Variants in SLC2A13 observed in about 807,000 individuals in gnomAD.
SLC2A13 encodes solute carrier family 2 member 13.
Under a neutral mutation model 64.4 loss-of-function variants are expected in SLC2A13, and 32 were observed. The observed-to-expected ratio is 0.50, with a 90% CI of 0.37 to 0.67. The LOEUF (loss-of-function observed/expected upper bound fraction) is 0.67, where lower values mean the gene tolerates loss of function less well. Ranked by LOEUF, SLC2A13 falls within the 30% of genes least tolerant of loss-of-function variation. The pLI, the probability that SLC2A13 is intolerant of heterozygous loss-of-function variation, is 0.00. For missense variants in SLC2A13, 743 were observed against 829.2 expected, an observed-to-expected ratio of 0.90 and a Z score of 1.28; for synonymous variants, 338 against 327.1, an observed-to-expected ratio of 1.03 and a Z score of -0.36.
At chr12:40,032,729 A>G (rs1325058419) in intron 2 of SLC2A13, among the ~76,000 whole-genome samples, 1 of 151,862 alleles carries the variant, frequency 6.6e-6, no homozygotes, top group Non-Finnish European at 1.5e-5. Flanking sequence ...CTAAACATTC[A>G]CTCTCATTCC....
At chr12:40,030,561 T>A (rs2136218748) in intron 2 of SLC2A13, among the ~76,000 whole-genome samples, 1 of 152,246 alleles carries the variant, frequency 6.6e-6, no homozygotes, top group Middle Eastern at 3.4e-3. Flanking sequence ...CAAAGAAAGA[T>A]CATGAATTAA....
chr12:39,973,746 C>CA (rs1330122990), intron 3 of SLC2A13, among the ~76,000 whole-genome samples: 1 of 152,210 alleles, frequency 6.6e-6, no homozygotes, highest in Non-Finnish European at 1.5e-5. Flanking sequence ...ACTTAGGCTG[C>CA]ATTTCTTCAG....
In SLC2A13 at chr12:39,921,896, T is replaced by C. The variant is rs577058046; in HGVS notation, c.1034+29361A>G. 8.8e-4 allele frequency among the ~76,000 whole-genome samples: 134 copies of C among 151,964 alleles called. 1 individual carries two copies. Among genetic ancestry groups the C allele is most frequent in the African/African-American group, 3.2e-3 (131 of 41,272 alleles). ...CACTTAATGTAAATATGGAAATAAA[T>C]ATTGCATATAAATCCAACAAAAGTG... On this transcript the variant is annotated intron_variant, in intron 4 of 9. Coordinates refer to ENST00000280871, the MANE Select transcript of SLC2A13 (RefSeq NM_052885.4).
At chr12:39,826,614 A>C (rs1592175910) in intron 7 of SLC2A13, among the ~76,000 whole-genome samples, 1 of 151,652 alleles carries the variant, frequency 6.6e-6, no homozygotes, top group East Asian at 1.9e-4. Context: ...AAAAAAATAA[A>C]AAGCAGAAAA....
At chr12:39,851,791 T>A (rs2135896275) in intron 6 of SLC2A13, among the ~76,000 whole-genome samples, 1 of 152,302 alleles carries the variant, frequency 6.6e-6, no homozygotes, top group South Asian at 2.1e-4. Flanking sequence ...AATTAAGTAC[T>A]CCTACATGGT....
chr12:40,061,119 A>G (rs1948413574), intron 1 of SLC2A13, among the ~76,000 whole-genome samples: 1 of 152,138 alleles, frequency 6.6e-6, no homozygotes, highest in Non-Finnish European at 1.5e-5. Flanking sequence ...TTGAGAAAAA[A>G]TTGTATGAAA....
At position 39,959,497 on chromosome 12, in the gene SLC2A13, G is replaced by C. The variant is rs553936907; in HGVS notation, c.926-8132C>G. ...ATTATTCCAGGTTGCTAATGTAAAG[G>C]TTTTTATCAACTTAGAAGAGGAGAT... On this transcript the variant is annotated intron_variant, in intron 3 of 9. Transcript: ENST00000280871. Among the ~76,000 whole-genome samples the C allele has an allele frequency of 1.6e-4, 25 of 152,314 alleles. No homozygotes were observed. The South Asian group carries it at 5.0e-3, about 30-fold the overall frequency.
intron 1 of SLC2A13, among the ~76,000 whole-genome samples, chr12:40,064,706 TG>T (rs1937657506): frequency 6.6e-6 from 1 of 152,186 alleles, no homozygotes; most frequent in Admixed American, 6.5e-5. Context: ...AAATTGTTAC[TG>T]TTTCCATCAA....
At chr12:39,780,358 G>A (rs894181728) in intron 7 of SLC2A13, among the ~76,000 whole-genome samples, 5 of 152,062 alleles carry the variant, frequency 3.3e-5, no homozygotes, top group African/African-American at 1.2e-4. Context: ...TACTTTTTAT[G>A]GAATTTGAAT....
At chr12:40,072,754 T>G (rs1370902317) in intron 1 of SLC2A13, among the ~76,000 whole-genome samples, 1 of 152,114 alleles carries the variant, frequency 6.6e-6, no homozygotes, top group African/African-American at 2.4e-5. Context: ...CCATGTGTAT[T>G]TATATTTAAA....
intron 1 of SLC2A13, among the ~76,000 whole-genome samples, chr12:40,060,728 G>A (rs1266480811): frequency 6.6e-6 from 1 of 152,052 alleles, no homozygotes; most frequent in Non-Finnish European, 1.5e-5. Flanking sequence ...AAGAACAAGG[G>A]CAAAATTCCT....
intron 4 of SLC2A13, among the ~76,000 whole-genome samples, chr12:39,919,700 G>A (rs995846155): frequency 6.6e-6 from 1 of 151,978 alleles, no homozygotes; most frequent in Non-Finnish European, 1.5e-5. Context: ...AAGGGGTACT[G>A]ACAATATTTT....
At chr12:40,084,279 C>G (rs1336710884) in intron 1 of SLC2A13, among the ~76,000 whole-genome samples, 1 of 152,208 alleles carries the variant, frequency 6.6e-6, no homozygotes, top group African/African-American at 2.4e-5. Context: ...CAAGTACTTA[C>G]CTGTGTGTTC....
At chr12:39,852,212 T>A (rs1383983163) in intron 6 of SLC2A13, among the ~76,000 whole-genome samples, 1 of 152,204 alleles carries the variant, frequency 6.6e-6, no homozygotes, top group East Asian at 1.9e-4. Context: ...AATCCGTGTT[T>A]TCAAACTGAG....
intron 3 of SLC2A13, among the ~76,000 whole-genome samples, chr12:40,010,456 G>A (rs1171332938): frequency 1.3e-5 from 2 of 151,274 alleles, no homozygotes; most frequent in African/African-American, 2.4e-5. Flanking sequence ...TTTTTTTTCT[G>A]AGCCTGGATC....
chr12:40,072,244 A>C (rs186721330), intron 1 of SLC2A13, among the ~76,000 whole-genome samples: 1 of 152,244 alleles, frequency 6.6e-6, no homozygotes, highest in Non-Finnish European at 1.5e-5. Flanking sequence ...GTTTAATTCC[A>C]TTGTAGCCTA....
chr12:39,812,747 C>A lies in SLC2A13; in HGVS notation c.1445+17356G>T, dbSNP rs1028105499. Among the ~76,000 whole-genome samples the A allele has an allele frequency of 4.0e-5, 6 of 150,700 alleles. No individual in the cohort carries two copies. The Admixed American group carries it at 4.0e-4, about 10-fold the overall frequency. On this transcript the variant is annotated intron_variant, in intron 7 of 9. Coordinates refer to ENST00000280871, the MANE Select transcript of SLC2A13 (RefSeq NM_052885.4). The stretch of plus-strand genomic sequence containing the variant: ...TCAGCCTCCCAAACTGCTGGGATTA[C>A]GGGCGTGAGTCATTGCACCTGGCGG...
At chr12:40,096,392 C>A (rs1175699264) in intron 1 of SLC2A13, among the ~76,000 whole-genome samples, 1 of 151,642 alleles carries the variant, frequency 6.6e-6, no homozygotes, top group Non-Finnish European at 1.5e-5. Context: ...AATATATTTT[C>A]TTTTAAGTAA....
At position 39,803,129 on chromosome 12, in the gene SLC2A13, T is replaced by C. The variant is rs183053172; in HGVS notation, c.1445+26974A>G. Among the ~76,000 whole-genome samples the C allele has an allele frequency of 2.6e-3, 395 of 151,954 alleles. 2 individuals carry two copies. Among genetic ancestry groups the C allele is most frequent in the African/African-American group, 8.7e-3 (362 of 41,400 alleles). On this transcript the variant is annotated intron_variant, in intron 7 of 9. Transcript: ENST00000280871. ...TGAAGTACAGGGTATAAGGCAGCCA[T>C]TGTAAATGTTCCCTTATTCTAGGGA... is the stretch of plus-strand genomic sequence containing the variant.
Sources: allele counts gnomAD v4.1 joint callset (sites outside exome capture counted in the v4.1 genomes callset), GRCh38; gene constraint gnomAD v4.1.1; transcripts MANE v1.5; gene names NCBI Gene and HGNC (gene_info 2026-07-23, HGNC 2026-07-21).